SOX6: variants seen among roughly 807,000 people sequenced by gnomAD.
The protein encoded by SOX6 is transcription factor SOX-6.
SOX6 carries 11 observed loss-of-function variants against 97.8 expected under a neutral mutation model. The observed-to-expected ratio is 0.11, with a 90% CI of 0.07 to 0.19. The LOEUF (loss-of-function observed/expected upper bound fraction) is 0.19, where lower values mean the gene tolerates loss of function less well. Ranked by LOEUF, SOX6 falls within the 10% of genes least tolerant of loss-of-function variation. The probability of loss-of-function intolerance (pLI) is 1.00; values close to 1 mark genes in which losing one functional copy is unlikely to be tolerated. For missense variants in SOX6, 810 were observed against 1,039.5 expected, an observed-to-expected ratio of 0.78 and a Z score of 3.04; for synonymous variants, 360 against 371.4, an observed-to-expected ratio of 0.97 and a Z score of 0.35.
chr11:16,124,728 A>G (rs758899588), intron 6 of SOX6, among the ~76,000 whole-genome samples: 11 of 152,086 alleles, frequency 7.2e-5, no homozygotes, highest in Non-Finnish European at 1.5e-4. Flanking sequence ...TCGGAATTGT[A>G]TTCTTAGTGT....
At chr11:16,504,332 T>C (rs1468153272) in intron 4 of SOX6, among the ~76,000 whole-genome samples, 1 of 152,016 alleles carries the variant, frequency 6.6e-6, no homozygotes, top group Non-Finnish European at 1.5e-5. Context: ...TAATCTTACA[T>C]CTAGAAAAAT....
At chr11:16,004,816 G>A (rs1854502948) in intron 13 of SOX6, among the ~76,000 whole-genome samples, 1 of 152,030 alleles carries the variant, frequency 6.6e-6, no homozygotes, top group South Asian at 2.1e-4. Context: ...ACAGATCTAG[G>A]TTTGAATTGT....
intron 1 of SOX6, among the ~76,000 whole-genome samples, chr11:16,392,291 C>T (rs1282715411): frequency 6.6e-6 from 1 of 151,972 alleles, no homozygotes; most frequent in Non-Finnish European, 1.5e-5. Flanking sequence ...AAATTTTGCT[C>T]ATCTTTTTTT....
At chr11:16,726,655 T>A (rs1246286647) in intron 2 of SOX6, among the ~76,000 whole-genome samples, 4 of 152,184 alleles carry the variant, frequency 2.6e-5, no homozygotes, top group Admixed American at 2.6e-4. Flanking sequence ...AATTATATTA[T>A]CCTGGAAGTC....
chr11:16,081,986 G>C (rs1248497452), intron 9 of SOX6, among the ~76,000 whole-genome samples: 1 of 152,174 alleles, frequency 6.6e-6, no homozygotes, highest in Non-Finnish European at 1.5e-5. Flanking sequence ...GCCTGATTAG[G>C]TTCCCACACA....
chr11:16,428,478 A>C (rs557128193), intron 1 of SOX6, among the ~76,000 whole-genome samples: 20 of 152,292 alleles, frequency 1.3e-4, no homozygotes, highest in African/African-American at 4.8e-4. Context: ...TTAAGTCTTT[A>C]ATCCATCTTG....
chr11:16,640,970 C>G (rs985370075), intron 3 of SOX6, among the ~76,000 whole-genome samples: 3 of 151,980 alleles, frequency 2.0e-5, no homozygotes, highest in Non-Finnish European at 1.5e-5. Context: ...TTTGTTTGTT[C>G]TTGCTTCTCT....
At chr11:16,136,463 G>C (rs1849967789) in intron 6 of SOX6, among the ~76,000 whole-genome samples, 1 of 150,598 alleles carries the variant, frequency 6.6e-6, no homozygotes, top group South Asian at 2.1e-4. Context: ...TTCAGTGGTG[G>C]AATCATAGCT....
At chr11:16,001,787 T>C (rs1854414954) in intron 13 of SOX6, among the ~76,000 whole-genome samples, 1 of 152,192 alleles carries the variant, frequency 6.6e-6, no homozygotes, top group Non-Finnish European at 1.5e-5. Context: ...AATGCTAAAT[T>C]AATGCATTCC....
rs1848387028 is a variant in SOX6, at chr11:16,610,748, G to T, written n.609+1333C>A. On this transcript the variant is annotated intron_variant and non_coding_transcript_variant, in intron 4 of 5. Coordinates refer to the SOX6 transcript ENST00000524520. The surrounding 1 kb of genome is among the most constrained non-coding windows in gnomAD (Gnocchi z 4.4). ...CTGGGGGCGGGGGTGCCATCTAAGG[G>T]TTTCCTCTAAAGCCTCGGGCGCTGG... 6.6e-6 allele frequency among the ~76,000 whole-genome samples: 1 copy of T among 152,182 alleles called. No individual in the cohort carries two copies. The highest frequency in any genetic ancestry group is 2.4e-5 in the African/African-American group (1 of 41,444).
At chr11:16,432,104 T>C (rs1426378973) in intron 1 of SOX6, among the ~76,000 whole-genome samples, 1 of 152,130 alleles carries the variant, frequency 6.6e-6, no homozygotes, top group African/African-American at 2.4e-5. Flanking sequence ...TTTCGCAGCA[T>C]CTCAGATCAC....
chr11:16,540,361 A>G (rs1861385824), intron 4 of SOX6, among the ~76,000 whole-genome samples: 1 of 152,152 alleles, frequency 6.6e-6, no homozygotes, highest in African/African-American at 2.4e-5. Context: ...CACAGCCAAT[A>G]TCATACTGAA....
chr11:16,684,681 G>A (rs1211879984), intron 3 of SOX6, among the ~76,000 whole-genome samples: 1 of 151,876 alleles, frequency 6.6e-6, no homozygotes, highest in Non-Finnish European at 1.5e-5. Context: ...GTATACCTAT[G>A]TAGCAAACCT....
intron 13 of SOX6, among the ~76,000 whole-genome samples, chr11:15,996,407 T>A (rs1272046478): frequency 6.6e-6 from 1 of 152,068 alleles, no homozygotes; most frequent in East Asian, 1.9e-4. Flanking sequence ...GGTGGGAGGA[T>A]CTCTTGAGGT....
At chr11:16,285,667 G>A (rs777455746) in intron 3 of SOX6, among the ~76,000 whole-genome samples, 5 of 152,016 alleles carry the variant, frequency 3.3e-5, no homozygotes, top group East Asian at 1.9e-4. Context: ...GTCTGTGAAC[G>A]AATGAATGAA....
intron 1 of SOX6, among the ~76,000 whole-genome samples, chr11:16,458,732 A>G (rs1182556430): frequency 6.6e-6 from 1 of 152,108 alleles, no homozygotes; most frequent in Non-Finnish European, 1.5e-5. Context: ...TTAGACTACT[A>G]AAAAACTGGG....
At chr11:16,297,910 C>T (rs1179009283) in intron 3 of SOX6, among the ~76,000 whole-genome samples, 2 of 152,132 alleles carry the variant, frequency 1.3e-5, no homozygotes, top group East Asian at 3.8e-4. Context: ...GCTGTGACAC[C>T]TTGGCTATTT....
intron 3 of SOX6, among the ~76,000 whole-genome samples, chr11:16,634,195 A>G (rs568173587): frequency 2.0e-5 from 3 of 152,192 alleles, no homozygotes; most frequent in African/African-American, 4.8e-5. Context: ...AAAGGAAAAA[A>G]GAGAAACTTA....
chr11:16,196,394 T>C (rs1851775117), intron 4 of SOX6, among the ~76,000 whole-genome samples: 1 of 152,192 alleles, frequency 6.6e-6, no homozygotes, highest in South Asian at 2.1e-4. Flanking sequence ...CAAAATTACT[T>C]TACCCAACAG....
Sources: allele counts gnomAD v4.1 joint callset (sites outside exome capture counted in the v4.1 genomes callset), GRCh38; gene constraint gnomAD v4.1.1; non-coding constraint Gnocchi (gnomAD v3.1); transcripts MANE v1.5; gene names NCBI Gene and HGNC (gene_info 2026-07-23, HGNC 2026-07-21).